CCDC93: variants seen among roughly 807,000 people sequenced by gnomAD.
The protein encoded by CCDC93 is CCC complex scaffolding subunit CCDC93.
CCDC93 carries 61 observed loss-of-function variants against 108.2 expected under a neutral mutation model. The observed-to-expected ratio is 0.56, with a 90% CI of 0.46 to 0.70. CCDC93 has a LOEUF of 0.70. Ranked by LOEUF, CCDC93 falls within the 30% of genes least tolerant of loss-of-function variation. The probability of loss-of-function intolerance (pLI) is 0.00; values close to 1 mark genes in which losing one functional copy is unlikely to be tolerated. For synonymous variants in CCDC93, 276 were observed against 260.4 expected (o/e 1.06, Z -0.58); for missense variants, 685 against 764.2 (o/e 0.90, Z 1.22).
intron 3 of CCDC93, among the ~76,000 whole-genome samples, chr2:118,005,843 T>C (rs1162921660): frequency 6.6e-6 from 1 of 151,714 alleles, no homozygotes; most frequent in Non-Finnish European, 1.5e-5. Context: ...AATTAGAAAC[T>C]TACAGGGAAA....
intron 13 of CCDC93, chr2:117,951,275 C>T (rs755793770): frequency 4.1e-6 from 4 of 985,362 alleles, no homozygotes; most frequent in Non-Finnish European, 3.6e-6. Flanking sequence ...GTAAGGAACC[C>T]AGTCACAGAG....
At position 117,967,220 on chromosome 2, in the gene CCDC93, T is replaced by C. The variant is rs1679614370; in HGVS notation, c.888+6688A>G. 2.0e-5 allele frequency among the ~76,000 whole-genome samples: 3 copies of C among 152,200 alleles called. No homozygotes were observed. The South Asian group carries it at 6.2e-4, about 32-fold the overall frequency. ...GTTGGCCAGGCTGGTCTCAAACTCC[T>C]GACCTCAAGTGATCTGCCTGCCTCA... On this transcript the variant is annotated intron_variant, in intron 11 of 23. Transcript: ENST00000376300.
intron 7 of CCDC93, chr2:117,985,542 AG>A (rs1680291776): frequency 5.0e-3 from 5 of 1,002 alleles, no homozygotes; most frequent in Non-Finnish European, 0.019. Flanking sequence ...TTTTTAAACT[AG>A]AGATGTTTTT....
intron 3 of CCDC93, among the ~76,000 whole-genome samples, chr2:118,001,657 C>T (rs1676692855): frequency 7.3e-6 from 1 of 136,104 alleles, no homozygotes; most frequent in Non-Finnish European, 1.6e-5. Flanking sequence ...AAGGGAGGAA[C>T]CAGGCTTCCT....
intron 23 of CCDC93, among the ~76,000 whole-genome samples, chr2:117,924,317 G>A (rs566424047): frequency 5.9e-5 from 9 of 152,238 alleles, no homozygotes; most frequent in South Asian, 4.2e-4. Context: ...CGCTTCAGAC[G>A]ATCAAACTAC....
intron 8 of CCDC93, among the ~76,000 whole-genome samples, chr2:117,975,803 T>C (rs1679926942): frequency 6.6e-6 from 1 of 152,208 alleles, no homozygotes; most frequent in East Asian, 1.9e-4. Flanking sequence ...TGAAAAATTA[T>C]ACGTTTACTG....
chr2:117,934,278 G>A (rs1164898292), intron 22 of CCDC93, among the ~76,000 whole-genome samples: 4 of 152,168 alleles, frequency 2.6e-5, no homozygotes, highest in South Asian at 2.1e-4. Flanking sequence ...AGGTGGAAGC[G>A]TCTAACACAC....
At chr2:117,931,656 T>G (rs1335740369) in intron 22 of CCDC93, 1 of 152,390 alleles carries the variant, frequency 6.6e-6, no homozygotes, top group African/African-American at 2.4e-5. Flanking sequence ...AATAAAACCG[T>G]GTATCCTCTT....
At chr2:117,964,710 T>C (rs1186950842) in intron 11 of CCDC93, among the ~76,000 whole-genome samples, 1 of 152,126 alleles carries the variant, frequency 6.6e-6, no homozygotes, top group East Asian at 1.9e-4. Context: ...GCAATCCTCC[T>C]GCCTCTGCCT....
chr2:118,010,114 T>TGTTC (rs1676985331), intron 1 of CCDC93, among the ~76,000 whole-genome samples: 2 of 151,552 alleles, frequency 1.3e-5, no homozygotes, highest in Admixed American at 1.3e-4. Flanking sequence ...TTTTTTTGTT[T>TGTTC]GTTTGTTTGT....
chr2:117,967,226 C>G (rs767222280), intron 11 of CCDC93, among the ~76,000 whole-genome samples: 1 of 152,202 alleles, frequency 6.6e-6, no homozygotes, highest in Non-Finnish European at 1.5e-5. Context: ...CTCCTGACCT[C>G]AAGTGATCTG....
intron 11 of CCDC93, among the ~76,000 whole-genome samples, chr2:117,970,390 C>T (rs2104775124): frequency 6.6e-6 from 1 of 152,142 alleles, no homozygotes; most frequent in East Asian, 1.9e-4. Context: ...AAAAGACCAG[C>T]TGACATGCAT....
chr2:118,006,427 T>A (rs897964298), intron 3 of CCDC93, among the ~76,000 whole-genome samples: 1 of 152,220 alleles, frequency 6.6e-6, no homozygotes, highest in African/African-American at 2.4e-5. Context: ...AGTGAGACTC[T>A]GCCTTACACA....
Position 117,986,020 on chromosome 2 carries a change from T to G in CCDC93, c.569A>C (p.Glu190Ala). 6.2e-7 allele frequency: 1 copy of G among 1,613,794 alleles called. No homozygotes were observed. Among genetic ancestry groups the G allele is most frequent in the African/African-American group, 1.3e-5 (1 of 74,996 alleles). Reference sequence around the variant, plus strand: ...GATTCGAGATTCTTCATCAAGTAGCTCCTCTGCTCCCTGGTGGCGTTTGTA... The same window carrying G: ...GATTCGAGATTCTTCATCAAGTAGCGCCTCTGCTCCCTGGTGGCGTTTGTA... ...RKYKRHQGAEELLDEESRIHA... is the reference protein window; with the variant it reads ...RKYKRHQGAEALLDEESRIHA... The change falls in exon 7 of 24, where the codon GAG (glutamate) becomes GCG (alanine). Residue 190 changes from glutamate (E) to alanine (A), a missense_variant. Physicochemically the swap from Glu to Ala is moderately radical, Grantham distance 107. Coordinates refer to ENST00000376300, the MANE Select transcript of CCDC93 (RefSeq NM_019044.5).
At position 117,936,624 on chromosome 2, in the gene CCDC93, T is replaced by C. The variant is rs1678533352; in HGVS notation, c.1643+78A>G. 9 of 1,124,124 alleles carry C rather than the reference T, an allele frequency of 8.0e-6. No homozygotes were observed. The South Asian group carries it at 9.8e-5, about 12-fold the overall frequency. The allele number at this position is 1,124,124 out of a possible 1,614,324, so 69.6% of individuals were successfully genotyped here. On this transcript the variant is annotated intron_variant, in intron 21 of 23. Transcript: ENST00000376300. ...TTGCATGTACCTTTGTCAAGCACAT[T>C]ATAGCAATGTGAGGTGGGCTGAATT...
At chr2:117,966,424 G>A (rs1679576160) in intron 11 of CCDC93, among the ~76,000 whole-genome samples, 2 of 152,214 alleles carry the variant, frequency 1.3e-5, no homozygotes, top group African/African-American at 4.8e-5. Context: ...GGCCATTTGA[G>A]TCCCCCACTA....
At chr2:117,966,456 T>G (rs1305469711) in intron 11 of CCDC93, among the ~76,000 whole-genome samples, 1 of 152,240 alleles carries the variant, frequency 6.6e-6, no homozygotes, top group East Asian at 1.9e-4. Flanking sequence ...TTCTGAGAGC[T>G]GATAAAGGCT....
At chr2:117,948,582 A>G (rs1261028417) in intron 14 of CCDC93, among the ~76,000 whole-genome samples, 1 of 152,252 alleles carries the variant, frequency 6.6e-6, no homozygotes, top group Non-Finnish European at 1.5e-5. Flanking sequence ...CATTAAAAGC[A>G]CTAATTTGAC....
At chr2:118,001,039 A>C in intron 3 of CCDC93, 107 bp from the exon 4 acceptor site, 1 of 673,588 alleles carries the variant, frequency 1.5e-6, no homozygotes, top group South Asian at 1.7e-5. Context: ...TCTCCATGCC[A>C]GGCTAGTCCA....
Sources: allele counts gnomAD v4.1 joint callset (sites outside exome capture counted in the v4.1 genomes callset), GRCh38; gene constraint gnomAD v4.1.1; transcripts MANE v1.5; gene names NCBI Gene and HGNC (gene_info 2026-07-23, HGNC 2026-07-21).